Variants in FRMD6 observed in about 807,000 individuals in gnomAD.
FRMD6 encodes FERM domain-containing protein 6.
FRMD6 carries 37 observed loss-of-function variants against 73.2 expected under a neutral mutation model. The ratio of observed to expected loss-of-function variants is 0.51; its 90% CI spans 0.39 to 0.66. The LOEUF (loss-of-function observed/expected upper bound fraction) is 0.66. Ranked by LOEUF, FRMD6 falls within the 30% of genes least tolerant of loss-of-function variation. The pLI, the probability that FRMD6 is intolerant of heterozygous loss-of-function variation, is 0.00. For synonymous variants in FRMD6, 273 were observed against 282.2 expected, an observed-to-expected ratio of 0.97 and a Z score of 0.33; for missense variants, 714 against 780.5, an observed-to-expected ratio of 0.91 and a Z score of 1.02.
At chr14:51,491,905 G>A (rs536850711) in intron 1 of FRMD6, among the ~76,000 whole-genome samples, 14 of 152,348 alleles carry the variant, frequency 9.2e-5, no homozygotes, top group African/African-American at 3.4e-4. Flanking sequence ...AACCACCAGG[G>A]AGACCAAAGG....
chr14:51,547,562 CTGGTCTGGTGATGTATAT>C (rs1430862610), intron 1 of FRMD6: 2 of 152,148 alleles, frequency 1.3e-5, no homozygotes, highest in Non-Finnish European at 2.9e-5. Flanking sequence ...AATGCATCTC[CTGGTCTGGTGATGTATAT>C]TGAGAGCCCT....
chr14:51,550,443 A>T (rs185584481), intron 1 of FRMD6, among the ~76,000 whole-genome samples: 27 of 152,260 alleles, frequency 1.8e-4, no homozygotes, highest in Admixed American at 2.6e-4. Context: ...AATTGTATAA[A>T]TATTGGGCTG....
chr14:51,459,721 G>C, the FRMD6 span, among the ~76,000 whole-genome samples: 1 of 151,024 alleles, frequency 6.6e-6, no homozygotes, highest in East Asian at 1.9e-4. Context: ...CAGCTGCTCG[G>C]GAGGCTGAGG....
At chr14:51,632,192 T>C (rs1026769750) in intron 2 of FRMD6, among the ~76,000 whole-genome samples, 2 of 152,234 alleles carry the variant, frequency 1.3e-5, no homozygotes, top group African/African-American at 2.4e-5. Context: ...CCTTCTGCCA[T>C]GATTCTAAGT....
chr14:51,582,300 T>C (rs2139666609), intron 2 of FRMD6, among the ~76,000 whole-genome samples: 1 of 152,306 alleles, frequency 6.6e-6, no homozygotes, highest in African/African-American at 2.4e-5. Flanking sequence ...ATGAGAGCAA[T>C]GACCTTGTCC....
intron 1 of FRMD6, among the ~76,000 whole-genome samples, chr14:51,570,030 T>C (rs1324243377): frequency 1.3e-5 from 2 of 152,020 alleles, no homozygotes; most frequent in Non-Finnish European, 2.9e-5. Context: ...TTAGCCAGGA[T>C]GGTCTCGATC....
upstream of FRMD6, among the ~76,000 whole-genome samples, chr14:51,486,788 C>T (rs968881611): frequency 6.6e-6 from 1 of 152,120 alleles, no homozygotes; most frequent in African/African-American, 2.4e-5. Context: ...GTCATTTAAC[C>T]TATGTTGTCA....
chr14:51,499,042 G>T (rs190849763), intron 1 of FRMD6, among the ~76,000 whole-genome samples: 1 of 152,212 alleles, frequency 6.6e-6, no homozygotes, highest in African/African-American at 2.4e-5. Flanking sequence ...ACAGAGTTGA[G>T]CAGATGGGAC....
intron 2 of FRMD6, among the ~76,000 whole-genome samples, chr14:51,589,487 G>T (rs150545708): frequency 4.7e-4 from 72 of 152,172 alleles, no homozygotes; most frequent in African/African-American, 1.6e-3. Flanking sequence ...TTGAAGAAGG[G>T]TGAGGGAGAA....
At chr14:51,644,397 T>TCA (rs1281400377) in intron 2 of FRMD6, among the ~76,000 whole-genome samples, 22 of 83,098 alleles carry the variant, frequency 2.6e-4, no homozygotes, top group South Asian at 7.5e-4. Flanking sequence ...ACTCACTCAC[T>TCA]CTCTCTCTCT....
upstream of FRMD6, among the ~76,000 whole-genome samples, chr14:51,487,667 A>G (rs8013369): frequency 0.71 from 108,781 of 152,150 alleles, 38,969 homozygotes; most frequent in South Asian, 0.8. Flanking sequence ...TTTTTTACAA[A>G]TAACTATATT....
At chr14:51,639,426 C>T (rs1456020360) in intron 2 of FRMD6, among the ~76,000 whole-genome samples, 3 of 139,238 alleles carry the variant, frequency 2.2e-5, no homozygotes, top group African/African-American at 8.4e-5. Flanking sequence ...CAGAGCAAGA[C>T]TCCATCTCAA....
chr14:51,520,631 G>T (rs748361987), intron 1 of FRMD6, among the ~76,000 whole-genome samples: 1 of 152,166 alleles, frequency 6.6e-6, no homozygotes. Flanking sequence ...TGGCGAGTAC[G>T]GTGGCTCACC....
the FRMD6 span, among the ~76,000 whole-genome samples, chr14:51,420,892 G>A: frequency 6.6e-6 from 1 of 152,090 alleles, no homozygotes; most frequent in African/African-American, 2.4e-5. Context: ...TTCTGCCTCA[G>A]CCTCCCGATT....
chr14:51,646,233 G>A lies in FRMD6; in HGVS notation c.-146-43458G>A, dbSNP rs573609795. On this transcript the variant is annotated intron_variant, in intron 2 of 14. Transcript: ENST00000356218. ...CTCGGGAGGCTGAGGCAGGAGAAAC[G>A]CTTGAACCCAGGAGGCAGAGGTTGC... Among the ~76,000 whole-genome samples, 52 of 147,254 alleles carry A rather than the reference G, an allele frequency of 3.5e-4. No individual in the cohort carries two copies. The South Asian group carries it at 0.01, about 28-fold the overall frequency.
At position 51,671,668 on chromosome 14, in the gene FRMD6, T is replaced by G. The variant is rs1355160294; in HGVS notation, c.-146-18023T>G. ...TGGTGAAGCTTGGGTGGAAGAATGG[T>G]GAAATCACTGGTGCTTTAGAAAAAG... On this transcript the variant is annotated intron_variant, in intron 1 of 13. Transcript: ENST00000344768. Among the ~76,000 whole-genome samples the G allele has an allele frequency of 2.6e-5, 4 of 152,258 alleles. No individual in the cohort carries two copies. The South Asian group carries it at 6.2e-4, about 24-fold the overall frequency.
intron 1 of FRMD6, among the ~76,000 whole-genome samples, chr14:51,517,731 A>T (rs903244111): frequency 6.6e-6 from 1 of 152,176 alleles, no homozygotes. Flanking sequence ...CTTCTACAAG[A>T]CTAACAACAA....
chr14:51,709,790 T>C (rs1206900730), intron 7 of FRMD6, among the ~76,000 whole-genome samples: 2 of 152,274 alleles, frequency 1.3e-5, no homozygotes, highest in Admixed American at 6.5e-5. Flanking sequence ...GAAGTATGAA[T>C]GATATGTTGG....
intron 12 of FRMD6, among the ~76,000 whole-genome samples, chr14:51,725,309 C>CT (rs1195538794): frequency 6.6e-6 from 1 of 152,138 alleles, no homozygotes; most frequent in African/African-American, 2.4e-5. Context: ...CCAGATCTAT[C>CT]TGACTTCAGA....
Sources: gnomAD v4.1 joint callset for allele counts (sites outside exome capture counted in the v4.1 genomes callset) on GRCh38, gnomAD v4.1.1 for gene constraint, MANE v1.5 for transcripts, NCBI Gene and HGNC (gene_info 2026-07-23, HGNC 2026-07-21) for gene names.